Variants in DNAJB14 observed in about 807,000 individuals in gnomAD.
DNAJB14 encodes the protein dnaJ homolog subfamily B member 14.
DNAJB14 carries 22 observed loss-of-function variants against 48.4 expected under a neutral mutation model. The observed-to-expected ratio is 0.45, with a 90% CI of 0.32 to 0.65. DNAJB14 has a LOEUF of 0.65. Among genes scored for constraint, DNAJB14 ranks in the 30% least tolerant of loss-of-function variants. The pLI is 0.03. For synonymous variants in DNAJB14, 142 were observed against 158.7 expected (o/e 0.89, Z 0.79); for missense variants, 319 against 458.8 (o/e 0.70, Z 2.78).
chr4:99,908,586 C>T (rs1229461750), intron 4 of DNAJB14, 125 bp downstream of exon 4: 4 of 686,670 alleles, frequency 5.8e-6, no homozygotes, highest in Non-Finnish European at 8.6e-6. Flanking sequence ...CATGAAAAAC[C>T]ATTACAGGAT....
chr4:99,924,600 G>T, intron 2 of DNAJB14: 2 of 760,170 alleles, frequency 2.6e-6, no homozygotes, highest in Non-Finnish European at 3.9e-6. Context: ...AATATTTATT[G>T]AATACTAACT....
chr4:99,920,111 A>T (rs188112569), intron 3 of DNAJB14, among the ~76,000 whole-genome samples: 4 of 151,950 alleles, frequency 2.6e-5, no homozygotes, highest in Admixed American at 2.0e-4. Context: ...CTGGTCTCTT[A>T]ACTATTTGAT....
In DNAJB14 at chr4:99,901,138, A is replaced by G. The variant is rs1159450943; in HGVS notation, c.1030T>C (p.Tyr344His). The change falls in exon 8 of 8, where the codon TAT becomes CAT. Residue 344 changes from tyrosine (Y) to histidine (H), a missense_variant. Tyr to His is a moderately conservative substitution (Grantham distance 83). Transcript: ENST00000442697. ...KERQQKTDMQ[Y>H]AAKVYRDDRL... is the part of the protein sequence containing the mutation. Reference sequence around the variant, plus strand: ...TCATCACGGTATACTTTTGCTGCATACTGCATATCTGTTTCTGTTAATAAA... The same window carrying G: ...TCATCACGGTATACTTTTGCTGCATGCTGCATATCTGTTTCTGTTAATAAA... 4.4e-6 allele frequency: 7 copies of G among 1,596,498 alleles called. No individual in the cohort carries two copies. The highest frequency in any genetic ancestry group is 4.3e-6 in the Non-Finnish European group (5 of 1,174,872).
intron 1 of DNAJB14, among the ~76,000 whole-genome samples, chr4:99,933,652 A>G (rs557703823): frequency 6.6e-6 from 1 of 152,314 alleles, no homozygotes; most frequent in African/African-American, 2.4e-5. Context: ...GGAAACCAGC[A>G]TGGTCTAAGG....
chr4:99,907,664 C>T (rs1725515743), intron 4 of DNAJB14, among the ~76,000 whole-genome samples: 1 of 152,052 alleles, frequency 6.6e-6, no homozygotes, highest in African/African-American at 2.4e-5. Flanking sequence ...GGCAACAGAG[C>T]AAGACCCTGT....
At chr4:99,901,233 G>GAGCCCTTTGATAAAGC (rs1560728580) in intron 7 of DNAJB14, 81 bp from the exon 8 acceptor site, 11 of 1,236,900 alleles carry the variant, frequency 8.9e-6, no homozygotes, top group Non-Finnish European at 1.1e-5. Flanking sequence ...TGCTTTACAG[G>GAGCCCTTTGATAAAGC]AGCCCTTTGA....
At chr4:99,946,198 A>G in intron 1 of DNAJB14, among the ~76,000 whole-genome samples, 1 of 152,222 alleles carries the variant, frequency 6.6e-6, no homozygotes, top group East Asian at 1.9e-4. Flanking sequence ...CGGAACGCGG[A>G]GCCGGCGGGC....
In DNAJB14 at chr4:99,901,136, A is replaced by C; in HGVS notation, c.1032T>G (p.Tyr344Ter). The C allele has an allele frequency of 6.2e-7, 1 of 1,604,832 alleles. No homozygotes were observed. Among genetic ancestry groups the C allele is most frequent in the Non-Finnish European group, 8.5e-7 (1 of 1,177,426 alleles). The change falls in exon 8 of 8, where the codon TAT (tyrosine) becomes TAG (stop). Residue 344 changes from tyrosine (Y) to a stop codon, truncating the protein, a stop_gained. Coordinates refer to ENST00000442697, the MANE Select transcript of DNAJB14 (RefSeq NM_001031723.4). LOFTEE classifies it high-confidence loss of function. ...KERQQKTDMQ[Y>*]AAKVYRDDRL... is the part of the protein sequence containing the mutation. ...GATCATCACGGTATACTTTTGCTGC[A>C]TACTGCATATCTGTTTCTGTTAATA...
At chr4:99,908,496 AT>A (rs1192234150) in intron 4 of DNAJB14, among the ~76,000 whole-genome samples, 1 of 152,012 alleles carries the variant, frequency 6.6e-6, no homozygotes, top group African/African-American at 2.4e-5. Flanking sequence ...TGTACTCTTC[AT>A]TTTTTTAAAT....
At position 99,912,538 on chromosome 4, in the gene DNAJB14, G is replaced by A. The variant is rs545407713; in HGVS notation, c.452-3642C>T. ...CTTGTTGTCCTGGCTGGAGCGCAAC[G>A]GCGCGATCTCGGCTCATTGCAACCT... On this transcript the variant is annotated intron_variant, in intron 3 of 7. Coordinates refer to ENST00000442697, the MANE Select transcript of DNAJB14 (RefSeq NM_001031723.4). Among the ~76,000 whole-genome samples the A allele has an allele frequency of 6.6e-4, 101 of 151,940 alleles. 2 individuals are homozygous for A. In the South Asian group the frequency reaches 0.02, roughly 30 times the overall value.
At chr4:99,930,841 G>A (rs1009500256) in intron 1 of DNAJB14, among the ~76,000 whole-genome samples, 10 of 152,122 alleles carry the variant, frequency 6.6e-5, no homozygotes, top group Admixed American at 2.6e-4. Context: ...AGTAACTTGA[G>A]ATTATAATCA....
chr4:99,912,480 G>C (rs1452787846), intron 3 of DNAJB14, among the ~76,000 whole-genome samples: 2 of 150,804 alleles, frequency 1.3e-5, no homozygotes, highest in African/African-American at 2.4e-5. Context: ...GTGATGACTT[G>C]ACTTTTTTTT....
In DNAJB14 at chr4:99,934,980, T is replaced by A. The variant is rs200932306; in HGVS notation, c.134-4359A>T. Among the ~76,000 whole-genome samples, 11 of 149,636 alleles carry A rather than the reference T, an allele frequency of 7.4e-5. No individual in the cohort carries two copies. In the East Asian group the frequency reaches 1.8e-3, roughly 24 times the overall value. On this transcript the variant is annotated intron_variant, in intron 1 of 7. Coordinates refer to ENST00000442697, the MANE Select transcript of DNAJB14 (RefSeq NM_001031723.4). The stretch of plus-strand genomic sequence containing the variant: ...AGAAAGAAAATATACCAGAAGGAAA[T>A]TTAAAACATTTTTTTAAAAAGTCAA...
chr4:99,911,155 G>A lies in DNAJB14; in HGVS notation c.452-2259C>T, dbSNP rs570567469. 5.3e-5 allele frequency among the ~76,000 whole-genome samples: 8 copies of A among 152,134 alleles called. No homozygotes were observed. In the East Asian group the frequency reaches 1.5e-3, roughly 29 times the overall value. ...TGGGATATTATATGATATATAAATG[G>A]AATGAAACCTTTTGGGATTGGCTTT... On this transcript the variant is annotated intron_variant, in intron 3 of 7. Coordinates refer to ENST00000442697, the MANE Select transcript of DNAJB14 (RefSeq NM_001031723.4).
intron 4 of DNAJB14, among the ~76,000 whole-genome samples, chr4:99,907,263 T>C (rs1004525554): frequency 2.0e-5 from 3 of 152,174 alleles, no homozygotes; most frequent in Non-Finnish European, 2.9e-5. Context: ...GTTTTAATAA[T>C]TTTTCTGTAA....
chr4:99,926,892 A>G (rs1291981580), intron 2 of DNAJB14: 1 of 152,148 alleles, frequency 6.6e-6, no homozygotes, highest in Admixed American at 6.6e-5. Flanking sequence ...ATCATCACCA[A>G]TGGACAGCCT....
At position 99,905,973 on chromosome 4, in the gene DNAJB14, G is replaced by A. The variant is rs188356669; in HGVS notation, c.733-267C>T. 25 of 1,285,932 alleles carry A rather than the reference G, an allele frequency of 1.9e-5. No individual in the cohort carries two copies. In the East Asian group the frequency reaches 2.7e-4, roughly 14 times the overall value. The allele number at this position is 1,285,932 out of a possible 1,614,324, so 79.7% of individuals were successfully genotyped here. A position where few individuals can be genotyped will look rare whatever the true frequency, so the allele number is the denominator to read the frequency against. Reference sequence around the variant, plus strand: ...TCATTTCTTTCTCTTTCTCTTTCCCGACTCCCTCCCCCCCACACACAGAGA... The same window carrying A: ...TCATTTCTTTCTCTTTCTCTTTCCCAACTCCCTCCCCCCCACACACAGAGA... On this transcript the variant is annotated intron_variant, in intron 5 of 7. Transcript: ENST00000442697.
chr4:99,922,915 T>C (rs1425106224), intron 3 of DNAJB14, 125 bp downstream of exon 3: 1 of 1,105,492 alleles, frequency 9.0e-7, no homozygotes, highest in East Asian at 2.7e-5. Flanking sequence ...TAAAGGATTT[T>C]CCAGACTCTT....
At chr4:99,930,226 A>G in intron 2 of DNAJB14, 1 of 359,048 alleles carries the variant, frequency 2.8e-6, no homozygotes, top group Non-Finnish European at 4.9e-6. Context: ...AATTATTTGG[A>G]AAAAGCTTTG....
Sources: gnomAD v4.1 joint callset for allele counts (sites outside exome capture counted in the v4.1 genomes callset) on GRCh38, gnomAD v4.1.1 for gene constraint, MANE v1.5 for transcripts, NCBI Gene and HGNC (gene_info 2026-07-23, HGNC 2026-07-21) for gene names.